MGAT4C: variants seen among roughly 807,000 people sequenced by gnomAD.
MGAT4C encodes the protein alpha-1,3-mannosyl-glycoprotein 4-beta-N-acetylglucosaminyltransferase C.
In MGAT4C, 19 loss-of-function variants were observed where a neutral mutation model predicts 40.1. The ratio of observed to expected loss-of-function variants is 0.47; its 90% CI spans 0.33 to 0.70. The LOEUF is 0.70. Among genes scored for constraint, MGAT4C ranks in the 30% least tolerant of loss-of-function variants. MGAT4C has a pLI of 0.02. For synonymous variants in MGAT4C, 181 were observed against 187.1 expected (o/e 0.97, Z 0.27); for missense variants, 491 against 563.2 (o/e 0.87, Z 1.30).
At chr12:86,108,190 G>C (rs1876562536) in intron 1 of MGAT4C, among the ~76,000 whole-genome samples, 1 of 152,040 alleles carries the variant, frequency 6.6e-6, no homozygotes, top group Admixed American at 6.6e-5. Flanking sequence ...AATGAGATGG[G>C]AGGTCAGACA....
chr12:86,637,309 T>C (rs1213689072), intron 2 of MGAT4C, among the ~76,000 whole-genome samples: 1 of 152,016 alleles, frequency 6.6e-6, no homozygotes, highest in African/African-American at 2.4e-5. Flanking sequence ...TCAGGTACTC[T>C]GAGTTGCATA....
intron 3 of MGAT4C, among the ~76,000 whole-genome samples, chr12:86,373,228 CTGTT>C (rs1339722106): frequency 2.0e-5 from 3 of 151,894 alleles, no homozygotes; most frequent in Non-Finnish European, 4.4e-5. Context: ...GATCCAGAAT[CTGTT>C]TGATTACAAA....
intron 2 of MGAT4C, among the ~76,000 whole-genome samples, chr12:86,486,303 T>C (rs951942125): frequency 3.3e-5 from 5 of 151,804 alleles, no homozygotes; most frequent in Admixed American, 2.0e-4. Flanking sequence ...CTGTCTGCTC[T>C]TTTCAAGAGC....
At chr12:86,584,208 T>A (rs1960913984) in intron 2 of MGAT4C, among the ~76,000 whole-genome samples, 1 of 150,846 alleles carries the variant, frequency 6.6e-6, no homozygotes, top group Non-Finnish European at 1.5e-5. Flanking sequence ...GATACAGAAA[T>A]AAAGTTTTGC....
At chr12:86,087,130 C>T (rs900601939) in intron 1 of MGAT4C, among the ~76,000 whole-genome samples, 4 of 152,012 alleles carry the variant, frequency 2.6e-5, no homozygotes, top group African/African-American at 9.7e-5. Flanking sequence ...CTGCAGTAAA[C>T]ATGAGAGTGC....
At chr12:86,134,397 A>C (rs839134) in intron 1 of MGAT4C, among the ~76,000 whole-genome samples, 134,633 of 152,036 alleles carry the variant, frequency 0.89, 59,844 homozygotes, top group East Asian at 1. Flanking sequence ...CCCACCCCAA[A>C]CCCATTATAA....
At chr12:86,774,285 T>C (rs931463841) in intron 1 of MGAT4C, among the ~76,000 whole-genome samples, 31 of 18,234 alleles carry the variant, frequency 1.7e-3, no homozygotes, top group Admixed American at 3.9e-3. Context: ...GGCTTGCTCT[T>C]TCTTTCTTTC....
chr12:86,101,845 T>C (rs973634232), intron 1 of MGAT4C, among the ~76,000 whole-genome samples: 1 of 152,018 alleles, frequency 6.6e-6, no homozygotes, highest in African/African-American at 2.4e-5. Flanking sequence ...CTATGCATTA[T>C]GAATTTTTGT....
intron 2 of MGAT4C, among the ~76,000 whole-genome samples, chr12:86,593,659 A>G (rs1275393431): frequency 6.6e-6 from 1 of 152,144 alleles, no homozygotes; most frequent in African/African-American, 2.4e-5. Flanking sequence ...TTTAACTTCC[A>G]TATACTTGTA....
chr12:86,189,687 T>C (rs961180284), intron 1 of MGAT4C, among the ~76,000 whole-genome samples: 2 of 152,038 alleles, frequency 1.3e-5, no homozygotes, highest in Admixed American at 1.3e-4. Context: ...TGCAAACTTA[T>C]AAACCCCACA....
At chr12:85,998,415 G>A (rs767020116) in intron 2 of MGAT4C, among the ~76,000 whole-genome samples, 5 of 152,114 alleles carry the variant, frequency 3.3e-5, no homozygotes, top group Non-Finnish European at 5.9e-5. Flanking sequence ...GCTGGCTTGC[G>A]TTTCTCTTCA....
chr12:86,367,587 C>A (rs1206051942), intron 3 of MGAT4C, among the ~76,000 whole-genome samples: 2 of 152,148 alleles, frequency 1.3e-5, no homozygotes. Flanking sequence ...ATCACAAGGT[C>A]AGGAGATGGA....
chr12:86,051,901 A>C (rs1162353730), intron 1 of MGAT4C, among the ~76,000 whole-genome samples: 6 of 151,688 alleles, frequency 4.0e-5, no homozygotes, highest in Non-Finnish European at 1.5e-5. Context: ...AGCATGATGA[A>C]AAATATTTTG....
intron 1 of MGAT4C, among the ~76,000 whole-genome samples, chr12:86,186,468 G>A (rs909005569): frequency 6.6e-6 from 1 of 152,088 alleles, no homozygotes; most frequent in African/African-American, 2.4e-5. Context: ...TGTAAATGCT[G>A]CAAATACAAA....
intron 4 of MGAT4C, among the ~76,000 whole-genome samples, chr12:86,296,407 CCT>C (rs201648934): frequency 0.026 from 1,196 of 45,322 alleles, 21 homozygotes; most frequent in African/African-American, 0.062. Context: ...CGCTCGCACT[CCT>C]CAGCCCTTGG....
chr12:86,611,456 T>TGATAGATGATAGATA (rs1555210962), intron 2 of MGAT4C, among the ~76,000 whole-genome samples: 7 of 143,662 alleles, frequency 4.9e-5, no homozygotes, highest in African/African-American at 1.8e-4. Context: ...GATAGATAGA[T>TGATAGATGATAGATA]GATAGATAGA....
intron 1 of MGAT4C, among the ~76,000 whole-genome samples, chr12:86,819,244 T>C (rs1299604233): frequency 6.6e-6 from 1 of 150,856 alleles, no homozygotes; most frequent in Non-Finnish European, 1.5e-5. Flanking sequence ...AATAAAAAAC[T>C]GAAGCTAAAA....
chr12:86,009,497 GA>G (rs1888239049), intron 2 of MGAT4C, among the ~76,000 whole-genome samples: 1 of 152,110 alleles, frequency 6.6e-6, no homozygotes, highest in South Asian at 2.1e-4. Context: ...TCAACTCAGA[GA>G]AATCAGTTGT....
chr12:86,208,005 A>G (rs936733533), intron 1 of MGAT4C, among the ~76,000 whole-genome samples: 3 of 152,216 alleles, frequency 2.0e-5, no homozygotes, highest in Admixed American at 2.0e-4. Context: ...TACAAATCTC[A>G]TAATTGATCA....
Sources: gnomAD v4.1 joint callset for allele counts (sites outside exome capture counted in the v4.1 genomes callset) on GRCh38, gnomAD v4.1.1 for gene constraint, MANE v1.5 for transcripts, NCBI Gene and HGNC (gene_info 2026-07-23, HGNC 2026-07-21) for gene names.